MGAT4C: variants seen among roughly 807,000 people sequenced by gnomAD.
MGAT4C encodes MGAT4 family member C, also known as alpha-1,3-mannosyl-glycoprotein 4-beta-N-acetylglucosaminyltransferase C.
MGAT4C carries 19 observed loss-of-function variants against 40.1 expected under a neutral mutation model. The ratio of observed to expected loss-of-function variants is 0.47; its 90% CI spans 0.33 to 0.70. MGAT4C has a LOEUF of 0.70. Among genes scored for constraint, MGAT4C ranks in the 30% least tolerant of loss-of-function variants. MGAT4C has a pLI of 0.02. For missense variants in MGAT4C, 491 were observed against 563.2 expected (o/e 0.87, Z 1.30); for synonymous variants, 181 against 187.1 (o/e 0.97, Z 0.27).
intron 3 of MGAT4C, among the ~76,000 whole-genome samples, chr12:86,433,925 A>G (rs959809651): frequency 6.6e-6 from 1 of 152,014 alleles, no homozygotes; most frequent in African/African-American, 2.4e-5. Context: ...GGTTAAATTT[A>G]TTTAAGCTAC....
At chr12:86,261,612 C>T (rs1343347949) in intron 4 of MGAT4C, among the ~76,000 whole-genome samples, 6 of 152,032 alleles carry the variant, frequency 3.9e-5, no homozygotes, top group South Asian at 2.1e-4. Flanking sequence ...GTGTATCTAT[C>T]GTACTCTATT....
chr12:86,438,646 T>C (rs1957176517), intron 2 of MGAT4C, among the ~76,000 whole-genome samples: 1 of 151,876 alleles, frequency 6.6e-6, no homozygotes. Flanking sequence ...TAATGTCAAT[T>C]ATATAAATGC....
chr12:86,162,055 A>T (rs1441429713), intron 1 of MGAT4C, among the ~76,000 whole-genome samples: 1 of 152,216 alleles, frequency 6.6e-6, no homozygotes, highest in African/African-American at 2.4e-5. Context: ...ATAGTAATGC[A>T]AATTGGTCCT....
chr12:86,357,018 GCCT>G (rs2136197308), intron 3 of MGAT4C, among the ~76,000 whole-genome samples: 2 of 152,270 alleles, frequency 1.3e-5, no homozygotes, highest in African/African-American at 4.8e-5. Context: ...TGGATAGACT[GCCT>G]CCTCAAGTGT....
intron 2 of MGAT4C, among the ~76,000 whole-genome samples, chr12:86,718,319 A>G (rs1420029684): frequency 6.6e-6 from 1 of 152,208 alleles, no homozygotes; most frequent in African/African-American, 2.4e-5. Flanking sequence ...CCCAAACAGT[A>G]GCTTAAAACA....
chr12:86,324,699 G>GT lies in MGAT4C; in HGVS notation c.-57+9365dup, dbSNP rs910108801. 5.4e-4 allele frequency among the ~76,000 whole-genome samples: 79 copies of GT among 147,582 alleles called. No individual in the cohort carries two copies. In the South Asian group the frequency reaches 6.6e-3, roughly 12 times the overall value. ...ACTAATCCATAGAGAAACGAGAGTT[G>GT]TTTTTTTTTTCTGCTTGTGCAAAGC... is the stretch of plus-strand genomic sequence containing the variant. On this transcript the variant is annotated intron_variant, in intron 4 of 7. Transcript: ENST00000548651.
chr12:86,356,583 G>A (rs556823673), intron 3 of MGAT4C, among the ~76,000 whole-genome samples: 18 of 152,240 alleles, frequency 1.2e-4, no homozygotes, highest in East Asian at 1.2e-3. Flanking sequence ...AAGGGTAGCC[G>A]TGACAGATGG....
At chr12:86,659,968 C>A (rs1041926489) in intron 2 of MGAT4C, among the ~76,000 whole-genome samples, 1 of 150,196 alleles carries the variant, frequency 6.7e-6, no homozygotes, top group Non-Finnish European at 1.5e-5. Flanking sequence ...CATGTCAGAA[C>A]GAGGAAGCAA....
chr12:86,576,473 C>G (rs1404436768), intron 2 of MGAT4C, among the ~76,000 whole-genome samples: 1 of 151,684 alleles, frequency 6.6e-6, no homozygotes, highest in Non-Finnish European at 1.5e-5. Flanking sequence ...TAGATTTTAG[C>G]CTTTAATCCA....
At chr12:86,730,236 G>A (rs1950886249) in intron 1 of MGAT4C, among the ~76,000 whole-genome samples, 1 of 151,994 alleles carries the variant, frequency 6.6e-6, no homozygotes, top group African/African-American at 2.4e-5. Flanking sequence ...TATGTCAACT[G>A]CTACTTGATA....
intron 2 of MGAT4C, among the ~76,000 whole-genome samples, chr12:86,047,736 T>C (rs1380053676): frequency 2.6e-5 from 4 of 152,160 alleles, no homozygotes; most frequent in Admixed American, 2.6e-4. Context: ...GAACTTATCC[T>C]TATTAAAGAT....
At chr12:86,114,693 G>A (rs1311752895) in intron 1 of MGAT4C, among the ~76,000 whole-genome samples, 1 of 151,832 alleles carries the variant, frequency 6.6e-6, no homozygotes, top group East Asian at 1.9e-4. Context: ...TGTTCTCTGA[G>A]GTGCCCAAGG....
chr12:86,191,124 CACACACA>C (rs1889388188), intron 1 of MGAT4C, among the ~76,000 whole-genome samples: 2 of 140,564 alleles, frequency 1.4e-5, no homozygotes, highest in Non-Finnish European at 3.0e-5. Context: ...CACACACACA[CACACACA>C]CACCCCTATA....
At chr12:86,819,594 ATTTC>A (rs982752582) in intron 1 of MGAT4C, among the ~76,000 whole-genome samples, 27 of 151,020 alleles carry the variant, frequency 1.8e-4, no homozygotes, top group African/African-American at 5.5e-4. Context: ...CATAAAAGTT[ATTTC>A]TTTATTGGAA....
chr12:86,217,723 G>A (rs901024347), intron 1 of MGAT4C, among the ~76,000 whole-genome samples: 1 of 152,186 alleles, frequency 6.6e-6, no homozygotes, highest in East Asian at 1.9e-4. Context: ...ATGCAAATAT[G>A]TAAGGAAGGT....
In MGAT4C at chr12:86,005,054, C is replaced by G. The variant is rs1887733674; in HGVS notation, c.-6-15502G>C. On this transcript the variant is annotated intron_variant, in intron 2 of 4. Coordinates refer to ENST00000611864, the MANE Select transcript of MGAT4C (RefSeq NM_001351288.2). The stretch of plus-strand genomic sequence containing the variant: ...GCATCATCTCGTTGTAAGATCAAAT[C>G]AGATCACACCTCGTTACCCTCTGCC... Among the ~76,000 whole-genome samples the G allele has an allele frequency of 2.0e-5, 3 of 152,282 alleles. No homozygotes were observed. The South Asian group carries it at 6.2e-4, about 32-fold the overall frequency.
At chr12:86,481,686 A>C (rs1159543538) in intron 2 of MGAT4C, among the ~76,000 whole-genome samples, 4 of 151,962 alleles carry the variant, frequency 2.6e-5, no homozygotes, top group Non-Finnish European at 4.4e-5. Context: ...ATCCAAAATG[A>C]TTTGAAAGAA....
intron 2 of MGAT4C, among the ~76,000 whole-genome samples, chr12:86,543,304 T>C (rs538144727): frequency 4.0e-5 from 6 of 151,558 alleles, no homozygotes; most frequent in African/African-American, 1.4e-4. Flanking sequence ...TTATTAATTT[T>C]ATATACCTTA....
At chr12:86,417,444 T>C (rs1956741155) in intron 3 of MGAT4C, among the ~76,000 whole-genome samples, 1 of 152,128 alleles carries the variant, frequency 6.6e-6, no homozygotes, top group Non-Finnish European at 1.5e-5. Flanking sequence ...GGAAGTTTAT[T>C]TGCATTTTCT....
Sources: gnomAD v4.1 joint callset for allele counts (sites outside exome capture counted in the v4.1 genomes callset) on GRCh38, gnomAD v4.1.1 for gene constraint, MANE v1.5 for transcripts, NCBI Gene and HGNC (gene_info 2026-07-23, HGNC 2026-07-21) for gene names.